The following GPC5 variants were observed in gnomAD, a reference collection of about 807,000 sequenced individuals.
The protein encoded by GPC5 is glypican-5.
A neutral mutation model predicts 53.9 loss-of-function variants in GPC5; 47 were observed. The observed-to-expected ratio is 0.87, with a 90% confidence interval of 0.69 to 1.11. The LOEUF (loss-of-function observed/expected upper bound fraction) is 1.11. GPC5 is among the 50% of genes most tolerant of loss of function. GPC5 has a pLI of 0.00. For synonymous variants in GPC5, 286 were observed against 263.3 expected, an observed-to-expected ratio of 1.09 and a Z score of -0.84; for missense variants, 748 against 713.1, an observed-to-expected ratio of 1.05 and a Z score of -0.56.
At chr13:91,749,949 A>G (rs1166023261) in intron 4 of GPC5, among the ~76,000 whole-genome samples, 2 of 152,272 alleles carry the variant, frequency 1.3e-5, no homozygotes, top group Non-Finnish European at 2.9e-5. Flanking sequence ...AGCTGGGATC[A>G]CAGGCATGCA....
At chr13:92,846,408 T>G (rs969057933) in intron 7 of GPC5, among the ~76,000 whole-genome samples, 1 of 152,170 alleles carries the variant, frequency 6.6e-6, no homozygotes. Context: ...GATAATACTT[T>G]AGTAAAGTAT....
chr13:92,658,083 A>G (rs1019911032), intron 7 of GPC5, among the ~76,000 whole-genome samples: 2 of 152,228 alleles, frequency 1.3e-5, no homozygotes, highest in African/African-American at 2.4e-5. Flanking sequence ...TTTATTCTAC[A>G]TACATCCTTC....
chr13:91,804,067 A>G (rs2038180776), intron 5 of GPC5, among the ~76,000 whole-genome samples: 1 of 152,174 alleles, frequency 6.6e-6, no homozygotes, highest in African/African-American at 2.4e-5. Flanking sequence ...GAAATACAAC[A>G]GAAACAGAAG....
intron 1 of GPC5, among the ~76,000 whole-genome samples, chr13:91,401,720 C>T (rs1876969371): frequency 6.6e-6 from 1 of 152,112 alleles, no homozygotes; most frequent in Admixed American, 6.5e-5. Context: ...GTGACTTTTA[C>T]TTTTTCTGAT....
intron 6 of GPC5, among the ~76,000 whole-genome samples, chr13:91,959,065 C>CACAA (rs2040101534): frequency 7.7e-6 from 1 of 129,364 alleles, no homozygotes; most frequent in African/African-American, 2.6e-5. Context: ...ACAACACACA[C>CACAA]ACACACACAC....
chr13:92,678,141 T>A (rs1887007002), intron 7 of GPC5, among the ~76,000 whole-genome samples: 1 of 152,232 alleles, frequency 6.6e-6, no homozygotes, highest in Non-Finnish European at 1.5e-5. Context: ...TCAATGTATG[T>A]TTGTTTTATA....
chr13:91,942,293 T>C (rs1467350401), intron 6 of GPC5, among the ~76,000 whole-genome samples: 1 of 152,114 alleles, frequency 6.6e-6, no homozygotes, highest in Non-Finnish European at 1.5e-5. Flanking sequence ...AATTCCATAA[T>C]AGACTTAATT....
chr13:91,468,623 G>T (rs139996320), intron 2 of GPC5, among the ~76,000 whole-genome samples: 1 of 152,094 alleles, frequency 6.6e-6, no homozygotes, highest in Admixed American at 6.6e-5. Flanking sequence ...AACTAACTCT[G>T]CTTACAGCTT....
At chr13:91,963,215 A>G (rs1397449532) in intron 6 of GPC5, among the ~76,000 whole-genome samples, 2 of 152,216 alleles carry the variant, frequency 1.3e-5, no homozygotes, top group African/African-American at 4.8e-5. Flanking sequence ...ATGAAGCAAT[A>G]TGAAGGAATA....
At chr13:91,520,677 T>G (rs904107116) in intron 2 of GPC5, among the ~76,000 whole-genome samples, 29 of 151,964 alleles carry the variant, frequency 1.9e-4, no homozygotes, top group Non-Finnish European at 4.3e-4. Flanking sequence ...TATATGTGTG[T>G]ATATATATGT....
At chr13:92,089,216 C>T (rs2041359102) in intron 6 of GPC5, among the ~76,000 whole-genome samples, 1 of 152,262 alleles carries the variant, frequency 6.6e-6, no homozygotes, top group East Asian at 1.9e-4. Flanking sequence ...GGGCCGATCA[C>T]GAGGTCAGGA....
intron 2 of GPC5, among the ~76,000 whole-genome samples, chr13:91,645,605 G>C (rs1026940914): frequency 1.3e-5 from 2 of 152,158 alleles, no homozygotes; most frequent in African/African-American, 4.8e-5. Context: ...ACGTAAGATA[G>C]TGTGAGGTCA....
At chr13:92,017,042 G>C (rs1303087281) in intron 6 of GPC5, among the ~76,000 whole-genome samples, 1 of 152,098 alleles carries the variant, frequency 6.6e-6, no homozygotes, top group Non-Finnish European at 1.5e-5. Context: ...ATGCTGGGTG[G>C]TGTTGGGAAT....
rs551197742 is a variant in GPC5 at position 91,795,174 on chromosome 13, T to C, written c.1280+38754T>C. On this transcript the variant is annotated intron_variant, in intron 5 of 7. Coordinates refer to ENST00000377067, the MANE Select transcript of GPC5 (RefSeq NM_004466.6). ...GTTTTTATGATCACAAAACAATGAA[T>C]ACTTATTGAATAGAAGTTTGGTTCA... Among the ~76,000 whole-genome samples the C allele has an allele frequency of 1.4e-4, 22 of 152,304 alleles. No homozygotes were observed. In the East Asian group the frequency reaches 4.2e-3, roughly 29 times the overall value.
chr13:92,845,396 G>A (rs1878579091), intron 7 of GPC5, among the ~76,000 whole-genome samples: 1 of 152,048 alleles, frequency 6.6e-6, no homozygotes, highest in South Asian at 2.1e-4. Flanking sequence ...TGAGAACTAG[G>A]AGAATCTACA....
chr13:92,586,853 TG>T (rs1002269739), intron 7 of GPC5, among the ~76,000 whole-genome samples: 2 of 152,172 alleles, frequency 1.3e-5, no homozygotes, highest in Non-Finnish European at 2.9e-5. Flanking sequence ...TACCAACTCC[TG>T]GGGCTTACAG....
intron 7 of GPC5, among the ~76,000 whole-genome samples, chr13:92,595,749 A>C (rs1026934070): frequency 3.9e-4 from 54 of 139,174 alleles, no homozygotes; most frequent in Non-Finnish European, 7.9e-4. Flanking sequence ...GCCTGGGCGA[A>C]AGAGCGAGAC....
chr13:91,440,079 CATTT>C (rs560604857), intron 1 of GPC5, among the ~76,000 whole-genome samples: 2 of 152,014 alleles, frequency 1.3e-5, no homozygotes, highest in Non-Finnish European at 2.9e-5. Context: ...TCTTTGCATT[CATTT>C]GTCTTGGGGT....
At chr13:92,736,410 C>A (rs1236700241) in intron 7 of GPC5, among the ~76,000 whole-genome samples, 1 of 151,926 alleles carries the variant, frequency 6.6e-6, no homozygotes, top group African/African-American at 2.4e-5. Flanking sequence ...TTTAACCCCC[C>A]ACCCACCTTC....
Sources: gnomAD v4.1 joint callset for allele counts (sites outside exome capture counted in the v4.1 genomes callset) on GRCh38, gnomAD v4.1.1 for gene constraint, MANE v1.5 for transcripts, NCBI Gene and HGNC (gene_info 2026-07-23, HGNC 2026-07-21) for gene names.